Variants in SLC35F2 observed in about 807,000 individuals in gnomAD.
SLC35F2 encodes the protein queuine/queuosine transporter SLC35F2.
SLC35F2 carries 25 observed loss-of-function variants against 38.1 expected under a neutral mutation model. The ratio of observed to expected loss-of-function variants is 0.66; its 90% CI spans 0.48 to 0.92. The LOEUF (loss-of-function observed/expected upper bound fraction) is 0.92, where lower values mean the gene tolerates loss of function less well. Ranked by LOEUF, SLC35F2 falls within the 40% of genes least tolerant of loss-of-function variation. The pLI, the probability that SLC35F2 is intolerant of heterozygous loss-of-function variation, is 0.00. For synonymous variants in SLC35F2, 173 were observed against 181.7 expected (o/e 0.95, Z 0.38); for missense variants, 409 against 452.9 (o/e 0.90, Z 0.88).
chr11:107,845,280 A>G (rs373024281), intron 1 of SLC35F2, among the ~76,000 whole-genome samples: 3 of 152,022 alleles, frequency 2.0e-5, no homozygotes, highest in East Asian at 1.9e-4. Context: ...TTCCTTAAGT[A>G]CCCTTACATT....
At chr11:107,809,329 C>CAAAAAAAAAAA (rs61511493) in intron 3 of SLC35F2, among the ~76,000 whole-genome samples, 2 of 96,120 alleles carry the variant, frequency 2.1e-5, no homozygotes, top group Non-Finnish European at 2.2e-5. Context: ...ACTCAAAATA[C>CAAAAAAAAAAA]AAAAAAAAAA....
Position 107,792,262 on chromosome 11 carries a change from G to A in SLC35F2, c.*353C>T, listed in dbSNP as rs541521206. Reference sequence around the variant, plus strand: ...GTTCCTGACCACCAAGCCCAGCCTGGACAGCCTGCTTTCCCGCCCTGGCCT... The same window carrying A: ...GTTCCTGACCACCAAGCCCAGCCTGAACAGCCTGCTTTCCCGCCCTGGCCT... On this transcript the variant is annotated 3_prime_UTR_variant, in exon 8 of 8. Transcript: ENST00000525815. 1.8e-3 allele frequency: 306 copies of A among 174,296 alleles called. 1 individual carries two copies. The highest frequency in any genetic ancestry group is 3.0e-3 in the Non-Finnish European group (255 of 83,988). 10.8% of individuals were successfully genotyped at this position (174,296 alleles called of 1,614,324 possible). A position where few individuals can be genotyped will look rare whatever the true frequency, so the allele number is the denominator to read the frequency against.
At position 107,792,433 on chromosome 11, in the gene SLC35F2, G is replaced by T; in HGVS notation, c.*182C>A. On this transcript the variant is annotated 3_prime_UTR_variant, in exon 8 of 8. Transcript: ENST00000525815. ...GAAACACACTCTTAGCTTGGTTTCT[G>T]CTCTATTTTGGTATTTCTACTTTTG... is the stretch of plus-strand genomic sequence containing the variant. The T allele has an allele frequency of 1.6e-6, 1 of 645,136 alleles. No individual in the cohort carries two copies. Among genetic ancestry groups the T allele is most frequent in the Non-Finnish European group, 2.5e-6 (1 of 397,880 alleles). 40.0% of individuals were successfully genotyped at this position (645,136 alleles called of 1,614,324 possible). A position where few individuals can be genotyped will look rare whatever the true frequency, so the allele number is the denominator to read the frequency against.
chr11:107,829,627 A>T (rs993593311), intron 1 of SLC35F2, among the ~76,000 whole-genome samples: 15 of 151,562 alleles, frequency 9.9e-5, no homozygotes, highest in African/African-American at 3.2e-4. Flanking sequence ...GCAACAAAAA[A>T]CAAATTAAGA....
At chr11:107,828,224 C>G (rs1279650444) in intron 1 of SLC35F2, among the ~76,000 whole-genome samples, 1 of 151,992 alleles carries the variant, frequency 6.6e-6, no homozygotes, top group African/African-American at 2.4e-5. Context: ...ATCACGAGGT[C>G]AGAAGTTCAA....
intron 6 of SLC35F2, chr11:107,803,490 A>G: frequency 1.0e-6 from 1 of 985,212 alleles, no homozygotes; most frequent in Non-Finnish European, 1.2e-6. Flanking sequence ...ATAAAAGGCC[A>G]ATAAAGGCAG....
In SLC35F2 at chr11:107,792,752, T is replaced by G. The variant is rs1228915650; in HGVS notation, c.988A>C (p.Ile330Leu). The change falls in exon 8 of 8, where the codon ATC becomes CTC. Residue 330 changes from isoleucine to leucine, a missense_variant. Physicochemically the swap from Ile to Leu is conservative, Grantham distance 5. Coordinates refer to ENST00000525815, the MANE Select transcript of SLC35F2 (RefSeq NM_017515.5). Reference sequence around the variant, plus strand: ...CGAGTAGGGGTGGAGCAGTACAGGATAAACCCCACCATGATGACAGTGAAG... The same window carrying G: ...CGAGTAGGGGTGGAGCAGTACAGGAGAAACCCCACCATGATGACAGTGAAG... Reference protein sequence around the residue: ...LSFTVIMVGFILYCSTPTRTA... With the variant: ...LSFTVIMVGFLLYCSTPTRTA... The G allele has an allele frequency of 1.9e-6, 3 of 1,610,410 alleles. No individual in the cohort carries two copies. The highest frequency in any genetic ancestry group is 2.5e-6 in the Non-Finnish European group (3 of 1,178,398).
chr11:107,822,233 CA>C (rs1256884394), intron 1 of SLC35F2, among the ~76,000 whole-genome samples: 4 of 149,296 alleles, frequency 2.7e-5, no homozygotes, highest in African/African-American at 9.8e-5. Context: ...GACTCCGTCT[CA>C]AAAAAAAAAT....
At chr11:107,822,993 A>AAT (rs759758616) in intron 1 of SLC35F2, among the ~76,000 whole-genome samples, 18 of 152,008 alleles carry the variant, frequency 1.2e-4, no homozygotes, top group South Asian at 2.1e-4. Flanking sequence ...ACATATATAT[A>AAT]ATATATATAT....
chr11:107,798,802 CAG>C (rs1419166758), intron 7 of SLC35F2, among the ~76,000 whole-genome samples: 8 of 152,166 alleles, frequency 5.3e-5, no homozygotes, highest in African/African-American at 1.9e-4. Flanking sequence ...TGGCCAGGCT[CAG>C]TGGCTCATGC....
At chr11:107,854,359 G>A (rs141452280) in intron 1 of SLC35F2, among the ~76,000 whole-genome samples, 6 of 151,918 alleles carry the variant, frequency 3.9e-5, no homozygotes, top group South Asian at 2.1e-4. Context: ...CTTGAGCCAC[G>A]GAGGTCGAGG....
chr11:107,794,430 A>G (rs1426978298), intron 7 of SLC35F2, among the ~76,000 whole-genome samples: 1 of 152,196 alleles, frequency 6.6e-6, no homozygotes, highest in Non-Finnish European at 1.5e-5. Flanking sequence ...GAGTGGCTAA[A>G]GACTGACCAA....
chr11:107,848,046 T>C (rs1860125061), intron 1 of SLC35F2, among the ~76,000 whole-genome samples: 1 of 152,120 alleles, frequency 6.6e-6, no homozygotes, highest in Admixed American at 6.6e-5. Flanking sequence ...GGCCAGGGGC[T>C]GGGGAGGGGG....
At chr11:107,843,245 C>T (rs562156684) in intron 1 of SLC35F2, among the ~76,000 whole-genome samples, 4 of 152,156 alleles carry the variant, frequency 2.6e-5, no homozygotes, top group South Asian at 2.1e-4. Flanking sequence ...ACTGGTGATG[C>T]GTTTACGGGA....
At chr11:107,838,919 A>G (rs2134838058) in intron 1 of SLC35F2, among the ~76,000 whole-genome samples, 1 of 152,168 alleles carries the variant, frequency 6.6e-6, no homozygotes, top group East Asian at 1.9e-4. Context: ...ATGAGCCACC[A>G]CACCTGGCCG....
At chr11:107,832,689 C>T (rs181850386) in intron 1 of SLC35F2, among the ~76,000 whole-genome samples, 1 of 152,100 alleles carries the variant, frequency 6.6e-6, no homozygotes, top group East Asian at 1.9e-4. Flanking sequence ...ACCTATAGTC[C>T]CAGCTATTTA....
At chr11:107,852,143 C>T (rs547499104) in intron 1 of SLC35F2, among the ~76,000 whole-genome samples, 6 of 152,294 alleles carry the variant, frequency 3.9e-5, no homozygotes, top group East Asian at 3.9e-4. Flanking sequence ...GTTGGCCAGG[C>T]GTGGTGGCTC....
At chr11:107,792,986 G>A (rs1023898446) in intron 7 of SLC35F2, 186 bp from the exon 8 acceptor site, 3 of 894,116 alleles carry the variant, frequency 3.4e-6, no homozygotes, top group Admixed American at 6.2e-5. Context: ...GCACAATCTC[G>A]GCTCACTGCA....
At chr11:107,817,120 A>G (rs564302236) in intron 1 of SLC35F2, among the ~76,000 whole-genome samples, 1 of 152,172 alleles carries the variant, frequency 6.6e-6, no homozygotes, top group Non-Finnish European at 1.5e-5. Context: ...TACTAAAACT[A>G]CAAACATTAG....
Sources: allele counts gnomAD v4.1 joint callset (sites outside exome capture counted in the v4.1 genomes callset), GRCh38; gene constraint gnomAD v4.1.1; transcripts MANE v1.5; gene names NCBI Gene and HGNC (gene_info 2026-07-23, HGNC 2026-07-21).